Variants in STARD3 observed in about 807,000 individuals in gnomAD.
The protein encoded by STARD3 is stAR-related lipid transfer protein 3.
A neutral mutation model predicts 62.0 loss-of-function variants in STARD3; 39 were observed. The observed-to-expected ratio is 0.63, with a 90% confidence interval of 0.49 to 0.82. The LOEUF is 0.82. Ranked by LOEUF, STARD3 falls within the 40% of genes least tolerant of loss-of-function variation. STARD3 has a pLI of 0.00. For synonymous variants in STARD3, 229 were observed against 242.4 expected, an observed-to-expected ratio of 0.94 and a Z score of 0.51; for missense variants, 543 against 584.5, an observed-to-expected ratio of 0.93 and a Z score of 0.73.
At chr17:39,649,895 A>G (rs2057061391) in intron 1 of STARD3, among the ~76,000 whole-genome samples, 1 of 151,620 alleles carries the variant, frequency 6.6e-6, no homozygotes, top group Non-Finnish European at 1.5e-5. Context: ...AGATATACAA[A>G]GAAAGCATAT....
chr17:39,657,671 C>T (rs2145013657), intron 3 of STARD3, 104 bp from the exon 4 acceptor site: 1 of 1,226,686 alleles, frequency 8.2e-7, no homozygotes, highest in South Asian at 1.2e-5. Context: ...GGTGTGCATG[C>T]CCATAGGAAG....
At chr17:39,647,031 C>G (rs2057032748) in intron 1 of STARD3, among the ~76,000 whole-genome samples, 1 of 152,100 alleles carries the variant, frequency 6.6e-6, no homozygotes, top group Admixed American at 6.6e-5. Context: ...GAAACCCCAT[C>G]TCTACTAAAA....
intron 14 of STARD3, 32 bp downstream of exon 14, chr17:39,662,376 T>G: frequency 6.2e-7 from 1 of 1,602,280 alleles, no homozygotes; most frequent in Non-Finnish European, 8.5e-7. Context: ...AGGTGGGTTC[T>G]GTGGAGTGGA....
Position 39,657,985 on chromosome 17 carries a change from G to A in STARD3, c.388G>A (p.Val130Met). ...HWWVIAVTTL[V>M]SSAFLIVKVI... is the part of the protein sequence containing the mutation. ...CTCCCCTGGGCAGGTCACGACGCTGGTGTCCAGTGCATTCCTCATTGTCAA... is the reference window on the plus strand; with the variant it reads ...CTCCCCTGGGCAGGTCACGACGCTGATGTCCAGTGCATTCCTCATTGTCAA... Residue 130 changes from valine (V) to methionine (M), a missense_variant, in exon 5 of 15, where the codon GTG becomes ATG. Val to Met is a conservative substitution (Grantham distance 21). Coordinates refer to ENST00000336308, the MANE Select transcript of STARD3 (RefSeq NM_006804.4). The A allele has an allele frequency of 3.2e-6, 5 of 1,579,950 alleles. No individual in the cohort carries two copies. The highest frequency in any genetic ancestry group is 4.3e-6 in the Non-Finnish European group (5 of 1,162,838).
In STARD3 at chr17:39,646,575, G is replaced by C. The variant is rs554064749; in HGVS notation, c.-51-6906G>C. ...GCCTATTGTTGCCTGTTTTAATGCA[G>C]CTGAGGAAACTGAGTCTCAGAAGGG... is the stretch of plus-strand genomic sequence containing the variant. On this transcript the variant is annotated intron_variant, in intron 1 of 14. Coordinates refer to ENST00000336308, the MANE Select transcript of STARD3 (RefSeq NM_006804.4). Among the ~76,000 whole-genome samples the C allele has an allele frequency of 6.6e-5, 10 of 152,304 alleles. No homozygotes were observed. In the South Asian group the frequency reaches 1.2e-3, roughly 19 times the overall value.
At chr17:39,642,154 TC>T (rs1274329934) in intron 1 of STARD3, among the ~76,000 whole-genome samples, 1 of 152,220 alleles carries the variant, frequency 6.6e-6, no homozygotes, top group Non-Finnish European at 1.5e-5. Context: ...CAGCCAATGA[TC>T]AGCAGAGTAG....
In STARD3 at chr17:39,660,289, G is replaced by A. The variant is rs373891160; in HGVS notation, c.858+16G>A. On this transcript the variant is annotated intron_variant, in intron 10 of 14. Coordinates refer to ENST00000336308, the MANE Select transcript of STARD3 (RefSeq NM_006804.4). This position sits in a 1 kb window ranked among gnomAD's most constrained non-coding sequence, Gnocchi z 4.8. ...TATCCTGAAGGTGAGTGAGGGGAGC[G>A]GGTGTCCTGGAGCCCCAGACAGCAC... The A allele has an allele frequency of 3.1e-5, 50 of 1,613,874 alleles. No homozygotes were observed. The East Asian group carries it at 3.6e-4, about 12-fold the overall frequency.
In STARD3 at chr17:39,660,863, G is replaced by A. The variant is rs756384154; in HGVS notation, c.1008G>A (p.Gly336=). The A allele has an allele frequency of 1.5e-5, 24 of 1,599,938 alleles. No homozygotes were observed. Among genetic ancestry groups the A allele is most frequent in the Non-Finnish European group, 2.0e-5 (23 of 1,171,124 alleles). ...NTLISYDVSA[G]AAGGVVSPRD... is the part of the protein sequence containing the mutation. ...TCATCTCCTATGACGTGTCTGCAGG[G>A]GCTGCGGGCGGCGTGGTCTCCCCAA... The change falls in exon 12 of 15, where the codon GGG becomes GGA. Residue 336 remains glycine (G), a synonymous_variant. Transcript: ENST00000336308. The surrounding 1 kb of genome is among the most constrained non-coding windows in gnomAD (Gnocchi z 4.8).
intron 1 of STARD3, among the ~76,000 whole-genome samples, chr17:39,648,186 G>A (rs1388895385): frequency 6.6e-6 from 1 of 152,222 alleles, no homozygotes; most frequent in East Asian, 1.9e-4. Context: ...TCGGGAGGCT[G>A]AGGCAGGAGA....
chr17:39,641,867 T>C (rs993038840), intron 1 of STARD3, among the ~76,000 whole-genome samples: 2 of 152,142 alleles, frequency 1.3e-5, no homozygotes, highest in Admixed American at 1.3e-4. Flanking sequence ...ATCCACAGGC[T>C]AACTTACTAG....
At chr17:39,661,374 GC>G (rs1436448029) in intron 13 of STARD3, 94 of 461,906 alleles carry the variant, frequency 2.0e-4, no homozygotes, top group Admixed American at 3.2e-4. Flanking sequence ...CAGGGAAGGG[GC>G]CTGAGAGCCA....
At chr17:39,662,129 C>A in intron 13 of STARD3, 122 bp from the exon 14 acceptor site, 2 of 844,828 alleles carry the variant, frequency 2.4e-6, no homozygotes, top group Non-Finnish European at 1.9e-6. Context: ...GGTAGCTCTG[C>A]CTTTCTGCTT....
chr17:39,660,325 A>G lies in STARD3; in HGVS notation c.858+52A>G. 1 of 1,613,048 alleles carries G rather than the reference A, an allele frequency of 6.2e-7. No homozygotes were observed. Among genetic ancestry groups the G allele is most frequent in the Non-Finnish European group, 8.5e-7 (1 of 1,179,336 alleles). Reference sequence around the variant, plus strand: ...AGCCCCAGACAGCACAGGAGGCTCCAGGAAGGTGCCGAGGGGCCCTCTGGT... The same window carrying G: ...AGCCCCAGACAGCACAGGAGGCTCCGGGAAGGTGCCGAGGGGCCCTCTGGT... On this transcript the variant is annotated intron_variant, in intron 10 of 14. Transcript: ENST00000336308. This position sits in a 1 kb window ranked among gnomAD's most constrained non-coding sequence, Gnocchi z 4.8.
intron 2 of STARD3, among the ~76,000 whole-genome samples, chr17:39,656,090 G>A (rs1567858898): frequency 6.6e-6 from 1 of 152,204 alleles, no homozygotes; most frequent in Non-Finnish European, 1.5e-5. Context: ...ATGGAGCTGG[G>A]GTGGGCTTGA....
intron 1 of STARD3, 25 bp from the exon 2 acceptor site, chr17:39,653,456 G>A: frequency 6.7e-7 from 1 of 1,487,708 alleles, no homozygotes; most frequent in South Asian, 1.2e-5. Flanking sequence ...AGTTTGACAG[G>A]ACTCTGCCTC....
rs1039154603 is a variant in STARD3, at chr17:39,663,658, C to T, written c.*750C>T. Among the ~76,000 whole-genome samples, 1 of 149,828 alleles carries T rather than the reference C, an allele frequency of 6.7e-6. No homozygotes were observed. The highest frequency in any genetic ancestry group is 6.6e-5 in the Admixed American group (1 of 15,102). On this transcript the variant is annotated 3_prime_UTR_variant, in exon 15 of 15. Coordinates refer to ENST00000336308, the MANE Select transcript of STARD3 (RefSeq NM_006804.4). ...CCCCCCCCGCCCACCCCCCACTCCCCGCTTTCCTGACCAGTTCAACTGAGC... is the reference window on the plus strand; with the variant it reads ...CCCCCCCCGCCCACCCCCCACTCCCTGCTTTCCTGACCAGTTCAACTGAGC...
chr17:39,660,222 C>T lies in STARD3; in HGVS notation c.807C>T (p.Asp269=). The T allele has an allele frequency of 1.9e-6, 3 of 1,614,074 alleles. No homozygotes were observed. Among genetic ancestry groups the T allele is most frequent in the Non-Finnish European group, 2.5e-6 (3 of 1,180,014 alleles). Residue 269 remains aspartate, a synonymous_variant, in exon 10 of 15, where the codon GAC becomes GAT. Transcript: ENST00000336308. The surrounding 1 kb of genome is among the most constrained non-coding windows in gnomAD (Gnocchi z 4.8). ...TGTCCCTGCCATAGGAATATGGGGA[C>T]ACCGTGTACACCATTGAAGTTCCCT... ...WKFEKNNEYG[D]TVYTIEVPFH... is the part of the protein sequence containing the mutation.
At position 39,637,189 on chromosome 17, in the gene STARD3, G is replaced by C. The variant is rs573069197; in HGVS notation, c.-94G>C. Reference sequence around the variant, plus strand: ...TACTGAGGCCGCGGAGCCGGACTGCGGTTGGGGCGGGAAGAGCCGGGGCCG... The same window carrying C: ...TACTGAGGCCGCGGAGCCGGACTGCCGTTGGGGCGGGAAGAGCCGGGGCCG... On this transcript the variant is annotated 5_prime_UTR_variant, in exon 1 of 15. Coordinates refer to ENST00000336308, the MANE Select transcript of STARD3 (RefSeq NM_006804.4). 1.3e-5 allele frequency: 2 copies of C among 152,464 alleles called. No individual in the cohort carries two copies. The highest frequency in any genetic ancestry group is 2.1e-4 in the South Asian group (1 of 4,836). 9.4% of individuals were successfully genotyped at this position (152,464 alleles called of 1,614,324 possible).
intron 7 of STARD3, 97 bp from the exon 8 acceptor site, chr17:39,658,954 A>G: frequency 1.9e-6 from 3 of 1,563,658 alleles, no homozygotes; most frequent in Non-Finnish European, 2.6e-6. Context: ...ACACACTTTT[A>G]TCCCCCACAT....
Sources: allele counts gnomAD v4.1 joint callset (sites outside exome capture counted in the v4.1 genomes callset), GRCh38; gene constraint gnomAD v4.1.1; non-coding constraint Gnocchi (gnomAD v3.1); transcripts MANE v1.5; gene names NCBI Gene and HGNC (gene_info 2026-07-23, HGNC 2026-07-21).